The following THSD4 variants were observed in gnomAD, a reference collection of about 807,000 sequenced individuals.
THSD4 encodes thrombospondin type 1 domain containing 4.
A neutral mutation model predicts 119.0 loss-of-function variants in THSD4; 69 were observed. The ratio of observed to expected loss-of-function variants is 0.58; its 90% CI spans 0.48 to 0.71. THSD4 has a LOEUF of 0.71. THSD4 is among the 30% of genes least tolerant of loss of function. THSD4 has a pLI of 0.00. For synonymous variants in THSD4, 524 were observed against 540.4 expected (o/e 0.97, Z 0.42); for missense variants, 1,393 against 1,391.1 (o/e 1.00, Z -0.02).
intron 6 of THSD4, among the ~76,000 whole-genome samples, chr15:71,319,421 C>A (rs1427454745): frequency 1.4e-5 from 2 of 142,520 alleles, no homozygotes; most frequent in African/African-American, 5.3e-5. Flanking sequence ...ACAACAGGTC[C>A]CAGTGAGTGA....
At chr15:71,727,038 C>T (rs183476050) in intron 8 of THSD4, among the ~76,000 whole-genome samples, 5 of 152,180 alleles carry the variant, frequency 3.3e-5, no homozygotes, top group Middle Eastern at 6.8e-3. Context: ...CAGATGCCAC[C>T]CTTTCTTCTC....
At chr15:71,289,315 C>T (rs959132998) in intron 6 of THSD4, among the ~76,000 whole-genome samples, 1 of 152,136 alleles carries the variant, frequency 6.6e-6, no homozygotes, top group Admixed American at 6.5e-5. Context: ...CTTTTGCTTA[C>T]CCCTCTCTGA....
chr15:71,124,872 A>G (rs1335250955), intron 1 of THSD4, among the ~76,000 whole-genome samples: 4 of 152,066 alleles, frequency 2.6e-5, no homozygotes, highest in Admixed American at 6.6e-5. Flanking sequence ...GTGAGACTCC[A>G]TCTCTACAAA....
chr15:71,571,210 C>CT (rs72237850), intron 7 of THSD4, among the ~76,000 whole-genome samples: 110 of 147,988 alleles, frequency 7.4e-4, no homozygotes, highest in East Asian at 7.1e-3. Context: ...GAAGAACTCA[C>CT]TTTTTTTTTT....
chr15:71,686,047 C>A (rs1208213146), intron 8 of THSD4, among the ~76,000 whole-genome samples: 1 of 151,928 alleles, frequency 6.6e-6, no homozygotes, highest in Non-Finnish European at 1.5e-5. Flanking sequence ...ACCCAGCTTC[C>A]CCTAATAAGA....
intron 7 of THSD4, among the ~76,000 whole-genome samples, chr15:71,566,770 A>G (rs1396188886): frequency 1.7e-5 from 1 of 60,102 alleles, no homozygotes; most frequent in Non-Finnish European, 3.3e-5. Flanking sequence ...TCCCCCTGCC[A>G]TTCCCACTTG....
intron 3 of THSD4, among the ~76,000 whole-genome samples, chr15:71,174,421 T>G (rs2043421392): frequency 6.8e-6 from 1 of 147,438 alleles, no homozygotes; most frequent in Non-Finnish European, 1.5e-5. Flanking sequence ...ATATTGCGCT[T>G]TTCAGACCGG....
At chr15:71,738,133 C>A in intron 11 of THSD4, 126 bp downstream of exon 11, 1 of 1,292,198 alleles carries the variant, frequency 7.7e-7, no homozygotes, top group Non-Finnish European at 1.1e-6. Flanking sequence ...ACGATTTCTC[C>A]ATGGATGGTG....
intron 6 of THSD4, among the ~76,000 whole-genome samples, chr15:71,257,433 T>C (rs760606160): frequency 6.6e-6 from 1 of 152,064 alleles, no homozygotes; most frequent in African/African-American, 2.4e-5. Context: ...CACAGCCAAG[T>C]TGGCTGGAGA....
intron 6 of THSD4, among the ~76,000 whole-genome samples, chr15:71,321,440 G>T (rs766990644): frequency 6.6e-6 from 1 of 152,170 alleles, no homozygotes; most frequent in Admixed American, 6.5e-5. Flanking sequence ...GGAGGCTGAG[G>T]CAGGAGAATC....
intron 7 of THSD4, among the ~76,000 whole-genome samples, chr15:71,501,684 T>TA (rs372824698): frequency 6.2e-4 from 95 of 152,358 alleles, no homozygotes; most frequent in Admixed American, 2.3e-3. Flanking sequence ...GATTTGAATT[T>TA]AAAAATGCAA....
At chr15:71,269,312 C>T (rs903542648) in intron 6 of THSD4, among the ~76,000 whole-genome samples, 4 of 152,196 alleles carry the variant, frequency 2.6e-5, no homozygotes, top group South Asian at 2.1e-4. Context: ...AACCAATAAA[C>T]GTACTCCATC....
chr15:71,526,912 G>C (rs1001419452), intron 7 of THSD4, among the ~76,000 whole-genome samples: 1 of 152,152 alleles, frequency 6.6e-6, no homozygotes, highest in Non-Finnish European at 1.5e-5. Flanking sequence ...ATAGCTAAGA[G>C]GCACAGTGTC....
At position 71,681,019 on chromosome 15, in the gene THSD4, A is replaced by G. The variant is rs145092914; in HGVS notation, c.1357+20285A>G. Among the ~76,000 whole-genome samples, 29 of 151,684 alleles carry G rather than the reference A, an allele frequency of 1.9e-4. No individual in the cohort carries two copies. In the East Asian group the frequency reaches 5.7e-3, roughly 30 times the overall value. On this transcript the variant is annotated intron_variant, in intron 8 of 17. Coordinates refer to ENST00000261862, the MANE Select transcript of THSD4 (RefSeq NM_024817.3). ...CTGCAACCTCTTCCTCCCAGGTTCA[A>G]GCAATTCTCCTGTCCCAGCCTCCTG... is the stretch of plus-strand genomic sequence containing the variant.
chr15:71,542,923 A>T (rs1313016865), intron 7 of THSD4, among the ~76,000 whole-genome samples: 1 of 152,138 alleles, frequency 6.6e-6, no homozygotes, highest in Non-Finnish European at 1.5e-5. Flanking sequence ...AGGATAATCT[A>T]AAAAGTACCT....
At chr15:71,335,969 A>T (rs922194077) in intron 6 of THSD4, among the ~76,000 whole-genome samples, 1 of 152,128 alleles carries the variant, frequency 6.6e-6, no homozygotes, top group African/African-American at 2.4e-5. Context: ...GCCAAACCTG[A>T]GGGGCTGGAC....
At chr15:71,181,198 T>C (rs2043521422) in intron 3 of THSD4, among the ~76,000 whole-genome samples, 1 of 152,188 alleles carries the variant, frequency 6.6e-6, no homozygotes, top group Non-Finnish European at 1.5e-5. Context: ...CCGTTTCTAA[T>C]GGCATAAATA....
intron 6 of THSD4, among the ~76,000 whole-genome samples, chr15:71,376,706 C>T (rs1033013784): frequency 2.0e-5 from 3 of 152,116 alleles, no homozygotes; most frequent in Admixed American, 1.3e-4. Context: ...GAAAGGGATC[C>T]CAGGTGATGG....
chr15:71,671,600 G>A (rs2051529978), intron 8 of THSD4, among the ~76,000 whole-genome samples: 1 of 152,118 alleles, frequency 6.6e-6, no homozygotes, highest in Non-Finnish European at 1.5e-5. Flanking sequence ...TTTCTTCTAG[G>A]GTTTTTATGG....
Sources: allele counts gnomAD v4.1 joint callset (sites outside exome capture counted in the v4.1 genomes callset), GRCh38; gene constraint gnomAD v4.1.1; transcripts MANE v1.5; gene names NCBI Gene and HGNC (gene_info 2026-07-23, HGNC 2026-07-21).